Variants in BCAT1 observed in about 807,000 individuals in gnomAD.
BCAT1 encodes branched-chain-amino-acid aminotransferase, cytosolic.
A neutral mutation model predicts 52.4 loss-of-function variants in BCAT1; 48 were observed. The ratio of observed to expected loss-of-function variants is 0.92; its 90% confidence interval spans 0.73 to 1.16. The LOEUF (loss-of-function observed/expected upper bound fraction) is 1.16, where lower values mean the gene tolerates loss of function less well. BCAT1 is among the 50% of genes most tolerant of loss of function. The probability of loss-of-function intolerance (pLI) is 0.00; values close to 1 mark genes in which losing one functional copy is unlikely to be tolerated. For synonymous variants in BCAT1, 167 were observed against 161.3 expected (o/e 1.04, Z -0.27); for missense variants, 451 against 457.1 (o/e 0.99, Z 0.12).
At chr12:24,936,062 T>C (rs1158601679) in intron 1 of BCAT1, among the ~76,000 whole-genome samples, 7 of 152,318 alleles carry the variant, frequency 4.6e-5, no homozygotes, top group African/African-American at 1.7e-4. Flanking sequence ...GCTTTTCCTA[T>C]CATGCTTCTC....
chr12:24,848,204 T>A (rs1202134001), intron 6 of BCAT1, among the ~76,000 whole-genome samples: 1 of 152,238 alleles, frequency 6.6e-6, no homozygotes, highest in Admixed American at 6.5e-5. Context: ...AATATTTTTA[T>A]AATAGATTTT....
In BCAT1 at chr12:24,813,185, T is replaced by G. The variant is rs1939747251; in HGVS notation, c.*4823A>C. 1 of 152,046 alleles carries G rather than the reference T, an allele frequency of 6.6e-6. No individual in the cohort carries two copies. The highest frequency in any genetic ancestry group is 1.5e-5 in the Non-Finnish European group (1 of 67,904). 9.4% of individuals were successfully genotyped at this position (152,046 alleles called of 1,614,324 possible). A position where few individuals can be genotyped will look rare whatever the true frequency, so the allele number is the denominator to read the frequency against. ...AAACACTACTATAACTACTATACTCTGTTGATATGTTTCATTATCAACCTC... is the reference window on the plus strand; with the variant it reads ...AAACACTACTATAACTACTATACTCGGTTGATATGTTTCATTATCAACCTC... On this transcript the variant is annotated 3_prime_UTR_variant, in exon 11 of 11. Coordinates refer to ENST00000261192, the MANE Select transcript of BCAT1 (RefSeq NM_005504.7).
chr12:24,866,612 A>G (rs1477194602), intron 5 of BCAT1, among the ~76,000 whole-genome samples: 1 of 152,220 alleles, frequency 6.6e-6, no homozygotes, highest in East Asian at 1.9e-4. Flanking sequence ...AAGAGATTGT[A>G]AATACACCAA....
At chr12:24,850,461 A>AACT (rs1480382437) in intron 5 of BCAT1, among the ~76,000 whole-genome samples, 6 of 152,328 alleles carry the variant, frequency 3.9e-5, no homozygotes, top group Admixed American at 3.9e-4. Context: ...TGCCCACATC[A>AACT]ACTAGCAGGT....
At chr12:24,891,645 C>T (rs1008058297) in intron 3 of BCAT1, among the ~76,000 whole-genome samples, 2 of 151,980 alleles carry the variant, frequency 1.3e-5, no homozygotes, top group African/African-American at 2.4e-5. Flanking sequence ...CAAAGGATAA[C>T]AGTAATTTGA....
intron 8 of BCAT1, chr12:24,834,238 G>A (rs1207152497): frequency 8.2e-6 from 8 of 981,284 alleles, no homozygotes; most frequent in East Asian, 1.1e-4. Flanking sequence ...TGTATTGTAT[G>A]TATTTTTTTT....
intron 1 of BCAT1, among the ~76,000 whole-genome samples, chr12:24,931,906 T>C (rs1397743809): frequency 6.6e-6 from 1 of 152,172 alleles, no homozygotes; most frequent in East Asian, 1.9e-4. Flanking sequence ...CAGGCAGCTG[T>C]GCAGCTGGCT....
intron 1 of BCAT1, among the ~76,000 whole-genome samples, chr12:24,909,820 C>T (rs1399383893): frequency 1.3e-5 from 2 of 152,198 alleles, no homozygotes; most frequent in Non-Finnish European, 2.9e-5. Flanking sequence ...GATCTTGGAA[C>T]TACCCCACCT....
At chr12:24,832,468 G>A (rs1469334813) in intron 9 of BCAT1, among the ~76,000 whole-genome samples, 1 of 152,126 alleles carries the variant, frequency 6.6e-6, no homozygotes, top group Non-Finnish European at 1.5e-5. Context: ...AACTCAGGAG[G>A]CTGAAGCAGA....
chr12:24,832,806 C>T lies in BCAT1; in HGVS notation c.961G>A (p.Glu321Lys), dbSNP rs7313020. 4.3e-3 allele frequency: 6,992 copies of T among 1,612,266 alleles called. 22 individuals are homozygous for T. Among genetic ancestry groups the T allele is most frequent in the Non-Finnish European group, 4.9e-3 (5,813 of 1,179,108 alleles). The change falls in exon 9 of 11, where the codon GAG (glutamate) becomes AAG (lysine). Residue 321 changes from glutamate to lysine, a missense_variant. By Grantham distance (56) the Glu-to-Lys change is moderately conservative. Coordinates refer to ENST00000261192, the MANE Select transcript of BCAT1 (RefSeq NM_005504.7). ...AACATCTCTCTCACTCTGTTCCCCT[C>T]CAGGGCTGTTGTCAAGTCATCCATG... ...LTMDDLTTAL[E>K]GNRVREMFGS... is the part of the protein sequence containing the mutation.
At chr12:24,903,732 G>C (rs1197192925) in intron 1 of BCAT1, 2 of 152,156 alleles carry the variant, frequency 1.3e-5, no homozygotes, top group Non-Finnish European at 2.9e-5. Context: ...TTCCGATGTA[G>C]GCTCGTGATC....
At chr12:24,881,042 C>A (rs755456941) in intron 4 of BCAT1, among the ~76,000 whole-genome samples, 3 of 152,134 alleles carry the variant, frequency 2.0e-5, no homozygotes, top group Non-Finnish European at 4.4e-5. Flanking sequence ...ACCATGTTGG[C>A]CAGGCTTGTC....
At position 24,831,580 on chromosome 12, in the gene BCAT1, C is replaced by T. The variant is rs564560292; in HGVS notation, c.1044+1143G>A. Among the ~76,000 whole-genome samples the T allele has an allele frequency of 9.5e-4, 144 of 152,198 alleles. 1 individual carries two copies. The highest frequency in any genetic ancestry group is 1.0e-3 in the South Asian group (5 of 4,814). On this transcript the variant is annotated intron_variant, in intron 9 of 10. Transcript: ENST00000261192. ...GAGAGGATCGCTTGAGCTTGGGAGG[C>T]GGAGGTTGCAGTGAGCCGAGATTGT...
At chr12:24,894,028 CCTTT>C (rs1177358785) in intron 3 of BCAT1, among the ~76,000 whole-genome samples, 2 of 152,170 alleles carry the variant, frequency 1.3e-5, no homozygotes, top group African/African-American at 4.8e-5. Flanking sequence ...CACCAGCTGT[CCTTT>C]CTATTTGCTT....
At chr12:24,907,874 A>G (rs1349402696) in intron 1 of BCAT1, among the ~76,000 whole-genome samples, 1 of 152,144 alleles carries the variant, frequency 6.6e-6, no homozygotes, top group Non-Finnish European at 1.5e-5. Flanking sequence ...GCCTGTACCC[A>G]GGTGATTAAA....
chr12:24,889,901 T>C (rs1942787705), intron 3 of BCAT1, among the ~76,000 whole-genome samples: 2 of 152,156 alleles, frequency 1.3e-5, no homozygotes, highest in East Asian at 1.9e-4. Flanking sequence ...GGAAGGAATA[T>C]TGACGTGAAG....
intron 1 of BCAT1, among the ~76,000 whole-genome samples, chr12:24,915,340 A>G (rs1026450454): frequency 6.6e-6 from 1 of 152,220 alleles, no homozygotes; most frequent in African/African-American, 2.4e-5. Context: ...AAAAGCAAAG[A>G]TCAAGAAAAA....
chr12:24,935,782 T>C (rs1429301624), intron 1 of BCAT1, among the ~76,000 whole-genome samples: 1 of 152,180 alleles, frequency 6.6e-6, no homozygotes, highest in Non-Finnish European at 1.5e-5. Flanking sequence ...CTGCTTCCCA[T>C]ATAACTGTAA....
intron 5 of BCAT1, among the ~76,000 whole-genome samples, chr12:24,875,059 A>G (rs1942291551): frequency 6.6e-6 from 1 of 151,832 alleles, no homozygotes; most frequent in Non-Finnish European, 1.5e-5. Context: ...CAATTATACT[A>G]TGAAGACAAT....
Sources: allele counts gnomAD v4.1 joint callset (sites outside exome capture counted in the v4.1 genomes callset), GRCh38; gene constraint gnomAD v4.1.1; transcripts MANE v1.5; gene names NCBI Gene and HGNC (gene_info 2026-07-23, HGNC 2026-07-21).